The following HCN1 variants were observed in gnomAD, a reference collection of about 807,000 sequenced individuals.
The protein encoded by HCN1 is hyperpolarization activated cyclic nucleotide gated potassium channel 1, also known as potassium/sodium hyperpolarization-activated cyclic nucleotide-gated channel 1.
Under a neutral mutation model 78.9 loss-of-function variants are expected in HCN1, and 13 were observed. That is an observed-to-expected ratio of 0.16 (90% CI 0.11 to 0.26). HCN1 has a LOEUF of 0.26. HCN1 is among the 10% of genes least tolerant of loss of function. The pLI is 1.00. For synonymous variants in HCN1, 552 were observed against 455.5 expected (o/e 1.21, Z -2.70); for missense variants, 810 against 1,154.3 (o/e 0.70, Z 4.32).
chr5:45,498,867 C>T (rs899591028), intron 2 of HCN1, among the ~76,000 whole-genome samples: 16 of 152,110 alleles, frequency 1.1e-4, no homozygotes, highest in African/African-American at 3.6e-4. Context: ...CTGCCCCTGC[C>T]GTGTGGTGCC....
chr5:45,270,612 G>A lies in HCN1; in HGVS notation c.1619-3359C>T, dbSNP rs189247132. ...ATGCATCAGGTTACTTTGTGGTTGAGTTTATATTTTATTCTTTTACTATTA... is the reference window on the plus strand; with the variant it reads ...ATGCATCAGGTTACTTTGTGGTTGAATTTATATTTTATTCTTTTACTATTA... On this transcript the variant is annotated intron_variant, in intron 6 of 7. Transcript: ENST00000303230. 6.6e-5 allele frequency among the ~76,000 whole-genome samples: 10 copies of A among 152,216 alleles called. No homozygotes were observed. In the East Asian group the frequency reaches 1.7e-3, roughly 26 times the overall value.
At chr5:45,627,549 C>T (rs1745193100) in intron 2 of HCN1, among the ~76,000 whole-genome samples, 1 of 152,144 alleles carries the variant, frequency 6.6e-6, no homozygotes, top group Admixed American at 6.5e-5. Flanking sequence ...TCCTACATTT[C>T]TGCTGTAACA....
chr5:45,405,694 C>T (rs575501552), intron 3 of HCN1, among the ~76,000 whole-genome samples: 1 of 152,162 alleles, frequency 6.6e-6, no homozygotes, highest in Non-Finnish European at 1.5e-5. Context: ...AGGCATAAGA[C>T]ACTTTGCCCG....
intron 5 of HCN1, among the ~76,000 whole-genome samples, chr5:45,317,014 C>A (rs934260538): frequency 6.6e-6 from 1 of 152,048 alleles, no homozygotes; most frequent in African/African-American, 2.4e-5. Context: ...GATTCAATGC[C>A]ATCCCCATCA....
intron 5 of HCN1, among the ~76,000 whole-genome samples, chr5:45,344,078 T>C (rs951257955): frequency 3.9e-5 from 6 of 152,042 alleles, no homozygotes; most frequent in African/African-American, 1.4e-4. Context: ...CTCAGGAAAC[T>C]TACACTTATG....
At chr5:45,376,104 G>A (rs1314976820) in intron 4 of HCN1, among the ~76,000 whole-genome samples, 146 of 103,256 alleles carry the variant, frequency 1.4e-3, no homozygotes, top group Non-Finnish European at 2.2e-3. Context: ...ATAATATAAT[G>A]TTTTATAATA....
chr5:45,334,431 T>C (rs1463592726), intron 5 of HCN1, among the ~76,000 whole-genome samples: 1 of 151,858 alleles, frequency 6.6e-6, no homozygotes, highest in African/African-American at 2.4e-5. Flanking sequence ...CTTTTTTTTT[T>C]CTCAACAGTG....
At chr5:45,419,046 T>C (rs767982870) in intron 3 of HCN1, among the ~76,000 whole-genome samples, 2 of 152,122 alleles carry the variant, frequency 1.3e-5, no homozygotes, top group Non-Finnish European at 2.9e-5. Context: ...GAGAACTTAG[T>C]TTTTGCCAGG....
intron 2 of HCN1, among the ~76,000 whole-genome samples, chr5:45,498,442 C>G (rs1045870212): frequency 4.6e-5 from 7 of 152,124 alleles, no homozygotes; most frequent in Non-Finnish European, 8.8e-5. Flanking sequence ...TCCATCAGCT[C>G]CTTTAAGCAC....
chr5:45,428,221 C>T (rs1179041266), intron 3 of HCN1, among the ~76,000 whole-genome samples: 1 of 152,024 alleles, frequency 6.6e-6, no homozygotes, highest in Non-Finnish European at 1.5e-5. Flanking sequence ...AGAACTACTA[C>T]TCCTAGTCTC....
chr5:45,441,178 T>C lies in HCN1; in HGVS notation c.1011+20668A>G, dbSNP rs150394848. Among the ~76,000 whole-genome samples, 421 of 152,310 alleles carry C rather than the reference T, an allele frequency of 2.8e-3. 1 individual carries two copies. The highest frequency in any genetic ancestry group is 5.1e-3 in the Non-Finnish European group (347 of 68,024). On this transcript the variant is annotated intron_variant, in intron 3 of 7. Coordinates refer to ENST00000303230, the MANE Select transcript of HCN1 (RefSeq NM_021072.4). Reference sequence around the variant, plus strand: ...TTTCCTTGCTTTAAATTTTGTAACATAGTTTGTGCTGCTTGACATATTTTA... The same window carrying C: ...TTTCCTTGCTTTAAATTTTGTAACACAGTTTGTGCTGCTTGACATATTTTA...
At chr5:45,408,214 C>T (rs1739961797) in intron 3 of HCN1, among the ~76,000 whole-genome samples, 2 of 151,962 alleles carry the variant, frequency 1.3e-5, no homozygotes, top group African/African-American at 2.4e-5. Flanking sequence ...CCTAAGTATA[C>T]AGTGTTTATA....
At chr5:45,468,804 A>C (rs2111644725) in intron 2 of HCN1, among the ~76,000 whole-genome samples, 1 of 152,210 alleles carries the variant, frequency 6.6e-6, no homozygotes, top group South Asian at 2.1e-4. Context: ...AAACTGTAAA[A>C]GTACAAACTT....
intron 1 of HCN1, among the ~76,000 whole-genome samples, chr5:45,689,027 T>C (rs907523723): frequency 4.0e-5 from 6 of 151,882 alleles, no homozygotes; most frequent in Non-Finnish European, 8.8e-5. Context: ...GCATATGGGG[T>C]TTCTCCTTAG....
At chr5:45,551,705 T>C (rs898615442) in intron 2 of HCN1, among the ~76,000 whole-genome samples, 6 of 151,980 alleles carry the variant, frequency 3.9e-5, no homozygotes, top group African/African-American at 1.4e-4. Flanking sequence ...AACAATTATC[T>C]TTCTGGTGTT....
At chr5:45,334,616 T>TTTCCC (rs1249497001) in intron 5 of HCN1, among the ~76,000 whole-genome samples, 1 of 151,998 alleles carries the variant, frequency 6.6e-6, no homozygotes, top group Admixed American at 6.6e-5. Context: ...TACAATTTAC[T>TTTCCC]TTCCCTGTCA....
chr5:45,658,769 G>A (rs1043187895), intron 1 of HCN1, among the ~76,000 whole-genome samples: 3 of 152,012 alleles, frequency 2.0e-5, no homozygotes, highest in Admixed American at 6.6e-5. Flanking sequence ...GGCGCACCAC[G>A]AGACTATATC....
chr5:45,383,570 C>T (rs576795361), intron 4 of HCN1, among the ~76,000 whole-genome samples: 1 of 152,146 alleles, frequency 6.6e-6, no homozygotes, highest in Non-Finnish European at 1.5e-5. Context: ...TGGCACACGC[C>T]TGTAGTCCTG....
At chr5:45,596,062 ATTTTT>A (rs537399248) in intron 2 of HCN1, among the ~76,000 whole-genome samples, 1,588 of 150,916 alleles carry the variant, frequency 0.011, 24 homozygotes, top group African/African-American at 0.037. Context: ...CACCCGGCTA[ATTTTT>A]TTTTGTATTT....
Sources: allele counts gnomAD v4.1 joint callset (sites outside exome capture counted in the v4.1 genomes callset), GRCh38; gene constraint gnomAD v4.1.1; transcripts MANE v1.5; gene names NCBI Gene and HGNC (gene_info 2026-07-23, HGNC 2026-07-21).